The following OTUD7A variants were observed in gnomAD, a reference collection of about 807,000 sequenced individuals.
OTUD7A encodes the protein OTU deubiquitinase 7A.
OTUD7A carries 12 observed loss-of-function variants against 65.7 expected under a neutral mutation model. The observed-to-expected ratio is 0.18, with a 90% CI of 0.12 to 0.30. OTUD7A has a LOEUF of 0.30. Among genes scored for constraint, OTUD7A ranks in the 10% least tolerant of loss-of-function variants. The probability of loss-of-function intolerance (pLI) is 1.00; values close to 1 mark genes in which losing one functional copy is unlikely to be tolerated. For missense variants in OTUD7A, 1,148 were observed against 1,304.8 expected (o/e 0.88, Z 1.85); for synonymous variants, 641 against 586.3 (o/e 1.09, Z -1.35).
intron 10 of OTUD7A, among the ~76,000 whole-genome samples, chr15:31,490,112 CTCG>C (rs1031468297): frequency 2.0e-5 from 3 of 152,260 alleles, no homozygotes; most frequent in African/African-American, 7.2e-5. Context: ...ACAGGTCCTC[CTCG>C]TGAGCAGCGG....
chr15:31,752,394 A>G (rs1006936801), intron 1 of OTUD7A, among the ~76,000 whole-genome samples: 2 of 152,226 alleles, frequency 1.3e-5, no homozygotes, highest in Non-Finnish European at 2.9e-5. Flanking sequence ...ATTGTAGGAT[A>G]TTCTTTGATA....
rs1221809287 is a variant in OTUD7A at position 31,765,721 on chromosome 15, T to C, written c.-100+104786A>G. 9.8e-6 allele frequency: 10 copies of C among 1,019,504 alleles called. No homozygotes were observed. In the South Asian group the frequency reaches 1.5e-4, roughly 15 times the overall value. The allele number at this position is 1,019,504 out of a possible 1,614,324, so 63.2% of individuals were successfully genotyped here. ...GCTTCATTTATCAAAGTTCCACAAG[T>C]ATTACATACTTTTTAATTCAGCTAG... On this transcript the variant is annotated intron_variant, in intron 1 of 12. Transcript: ENST00000307050.
chr15:31,644,821 G>A (rs1891615129), intron 3 of OTUD7A, among the ~76,000 whole-genome samples: 1 of 152,130 alleles, frequency 6.6e-6, no homozygotes, highest in African/African-American at 2.4e-5. Flanking sequence ...CCCAATTACT[G>A]AGGCAAGATC....
intron 1 of OTUD7A, among the ~76,000 whole-genome samples, chr15:31,727,239 C>T (rs1307305211): frequency 6.6e-6 from 1 of 152,254 alleles, no homozygotes; most frequent in Non-Finnish European, 1.5e-5. Flanking sequence ...CCACCTTTCC[C>T]AACCTTCCCA....
At chr15:31,511,937 C>T (rs2041758801) in intron 8 of OTUD7A, among the ~76,000 whole-genome samples, 1 of 152,022 alleles carries the variant, frequency 6.6e-6, no homozygotes, top group African/African-American at 2.4e-5. Context: ...TGAGGTTTAA[C>T]CCCCACTCAG....
intron 1 of OTUD7A, among the ~76,000 whole-genome samples, chr15:31,729,326 A>C (rs1893978435): frequency 6.6e-6 from 1 of 152,220 alleles, no homozygotes; most frequent in South Asian, 2.1e-4. Context: ...GGATGAGCAA[A>C]AAAAGCATGG....
chr15:31,526,470 G>A lies in OTUD7A; in HGVS notation c.781-9C>T. 2 of 1,570,298 alleles carry A rather than the reference G, an allele frequency of 1.3e-6. No individual in the cohort carries two copies. Among genetic ancestry groups the A allele is most frequent in the Non-Finnish European group, 1.7e-6 (2 of 1,162,862 alleles). On this transcript the variant is annotated splice_polypyrimidine_tract_variant and intron_variant, in intron 7 of 12. Coordinates refer to ENST00000307050, the MANE Select transcript of OTUD7A (RefSeq NM_001382637.1). ...GTGTACACCAGCCCTGACTGGCAGA[G>A]GGGAGCCGGCTCAGAAGGGGGGTGG...
rs370707421 is a variant in OTUD7A, at chr15:31,585,804, A to G, written c.152-15607T>C. Among the ~76,000 whole-genome samples, 37 of 152,310 alleles carry G rather than the reference A, an allele frequency of 2.4e-4. No homozygotes were observed. In the South Asian group the frequency reaches 7.1e-3, roughly 29 times the overall value. On this transcript the variant is annotated intron_variant, in intron 3 of 12. Coordinates refer to ENST00000307050, the MANE Select transcript of OTUD7A (RefSeq NM_001382637.1). The stretch of plus-strand genomic sequence containing the variant: ...TCTACAGACCACTATTTGAGCTTGG[A>G]GAAAAATATGGAAGAACACATACTA...
At chr15:31,767,175 C>G (rs535130130) in intron 1 of OTUD7A, 1 of 1,219,598 alleles carries the variant, frequency 8.2e-7, no homozygotes, top group Non-Finnish European at 1.2e-6. Flanking sequence ...TTTGAAGGAA[C>G]TCAAATTGTT....
At chr15:31,646,406 T>G (rs997268668) in intron 3 of OTUD7A, among the ~76,000 whole-genome samples, 14 of 151,728 alleles carry the variant, frequency 9.2e-5, no homozygotes, top group Non-Finnish European at 1.8e-4. Context: ...CTTTCTCTCT[T>G]TCTCTCTCTC....
chr15:31,552,721 G>T (rs963430665), intron 5 of OTUD7A, among the ~76,000 whole-genome samples: 4 of 152,244 alleles, frequency 2.6e-5, no homozygotes, highest in African/African-American at 9.6e-5. Context: ...CTATGCCCAG[G>T]GTTGCCCAAC....
chr15:31,571,561 C>T (rs1193127127), intron 3 of OTUD7A, among the ~76,000 whole-genome samples: 1 of 152,154 alleles, frequency 6.6e-6, no homozygotes, highest in Non-Finnish European at 1.5e-5. Flanking sequence ...TGCATTCCTT[C>T]CTGTACAATT....
rs2041125827 is a variant in OTUD7A at position 31,481,877 on chromosome 15, C to G, written c.*1417G>C. The G allele has an allele frequency of 2.0e-5, 3 of 152,216 alleles. No homozygotes were observed. Among genetic ancestry groups the G allele is most frequent in the Admixed American group, 1.3e-4 (2 of 15,270 alleles). 9.4% of individuals were successfully genotyped at this position (152,216 alleles called of 1,614,324 possible). A position where few individuals can be genotyped will look rare whatever the true frequency, so the allele number is the denominator to read the frequency against. ...GATACACTCACAGCAAAGCCAGGCG[C>G]TTTCTCCTGTCCTAGGATTATTAGA... On this transcript the variant is annotated 3_prime_UTR_variant, in exon 13 of 13. Transcript: ENST00000307050.
At chr15:31,688,229 A>AG (rs11424469) in intron 1 of OTUD7A, among the ~76,000 whole-genome samples, 4 of 151,074 alleles carry the variant, frequency 2.6e-5, no homozygotes, top group Non-Finnish European at 5.9e-5. Flanking sequence ...AAAAAAAAAA[A>AG]GTAACTTTAT....
chr15:31,687,671 G>C, intron 1 of OTUD7A, among the ~76,000 whole-genome samples: 1 of 152,202 alleles, frequency 6.6e-6, no homozygotes. Context: ...TCTAACTTCA[G>C]AGTCCTCCTC....
At chr15:31,654,702 C>T (rs1383511428) in intron 3 of OTUD7A, among the ~76,000 whole-genome samples, 1 of 152,148 alleles carries the variant, frequency 6.6e-6, no homozygotes, top group Non-Finnish European at 1.5e-5. Flanking sequence ...GATGCAATTT[C>T]TCATGCAGCA....
chr15:31,684,654 T>C lies in OTUD7A; in HGVS notation c.-99-27577A>G, dbSNP rs781048217. On this transcript the variant is annotated intron_variant, in intron 1 of 12. Transcript: ENST00000307050. ...GTTCTTTGCCACGTGGGCCTTTCCA[T>C]AGGTGAGATCACAACATCAGAGTTG... 1.4e-3 allele frequency among the ~76,000 whole-genome samples: 195 copies of C among 142,290 alleles called. 2 individuals carry two copies. The highest frequency in any genetic ancestry group is 2.6e-3 in the Non-Finnish European group (166 of 63,984). 93.3% of individuals were successfully genotyped at this position (142,290 alleles called of 152,430 possible).
chr15:31,643,379 T>C (rs1891573635), intron 3 of OTUD7A, among the ~76,000 whole-genome samples: 2 of 151,764 alleles, frequency 1.3e-5, no homozygotes, highest in Non-Finnish European at 2.9e-5. Context: ...CACTAACCTT[T>C]CTCTTTTTTT....
At chr15:31,569,926 G>T in intron 4 of OTUD7A, 92 bp downstream of exon 4, 1 of 1,396,598 alleles carries the variant, frequency 7.2e-7, no homozygotes, top group Non-Finnish European at 9.9e-7. Context: ...GGGAGGTGAT[G>T]ACCCCACCAT....
Sources: allele counts gnomAD v4.1 joint callset (sites outside exome capture counted in the v4.1 genomes callset), GRCh38; gene constraint gnomAD v4.1.1; transcripts MANE v1.5; gene names NCBI Gene and HGNC (gene_info 2026-07-23, HGNC 2026-07-21).